The following WDR72 variants were observed in gnomAD, a reference collection of about 807,000 sequenced individuals.
The protein encoded by WDR72 is WD repeat-containing protein 72.
WDR72 carries 120 observed loss-of-function variants against 124.2 expected under a neutral mutation model. The ratio of observed to expected loss-of-function variants is 0.97; its 90% CI spans 0.83 to 1.12. The LOEUF (loss-of-function observed/expected upper bound fraction) is 1.12, where lower values mean the gene tolerates loss of function less well. Ranked by LOEUF, WDR72 falls within the 50% of genes most tolerant of loss-of-function variation. The pLI, the probability that WDR72 is intolerant of heterozygous loss-of-function variation, is 0.00. For missense variants in WDR72, 1,387 were observed against 1,278.8 expected (o/e 1.08, Z -1.29); for synonymous variants, 452 against 441.7 (o/e 1.02, Z -0.29).
At chr15:53,661,390 G>A (rs909609014) in intron 14 of WDR72, among the ~76,000 whole-genome samples, 1 of 152,212 alleles carries the variant, frequency 6.6e-6, no homozygotes, top group South Asian at 2.1e-4. Context: ...GACAGGAGAG[G>A]GAGGAGCTCT....
At chr15:53,751,061 G>T (rs1198888396) in intron 1 of WDR72, among the ~76,000 whole-genome samples, 1 of 152,104 alleles carries the variant, frequency 6.6e-6, no homozygotes, top group African/African-American at 2.4e-5. Context: ...TTTGGAAAAA[G>T]TTCTGCTGTG....
At chr15:53,693,707 G>C (rs1328594519) in intron 13 of WDR72, among the ~76,000 whole-genome samples, 1 of 152,156 alleles carries the variant, frequency 6.6e-6, no homozygotes, top group Non-Finnish European at 1.5e-5. Flanking sequence ...TGGAAGTTTT[G>C]ACTTCTTACT....
intron 14 of WDR72, among the ~76,000 whole-genome samples, chr15:53,626,840 C>T (rs114788244): frequency 6.6e-6 from 1 of 152,176 alleles, no homozygotes; most frequent in Non-Finnish European, 1.5e-5. Context: ...CTAGGAAATC[C>T]AGCTAGTCCC....
intron 13 of WDR72, among the ~76,000 whole-genome samples, chr15:53,680,251 C>T (rs1413149085): frequency 6.6e-6 from 1 of 152,194 alleles, no homozygotes; most frequent in East Asian, 1.9e-4. Flanking sequence ...TATGCTTAGT[C>T]ATGCAATTCC....
intron 3 of WDR72, among the ~76,000 whole-genome samples, chr15:53,721,995 G>T (rs1259184407): frequency 6.6e-6 from 1 of 151,356 alleles, no homozygotes; most frequent in African/African-American, 2.4e-5. Context: ...TGATAATTGA[G>T]TCCTCTCCTC....
chr15:53,686,970 A>C (rs1443357153), intron 13 of WDR72, among the ~76,000 whole-genome samples: 2 of 151,566 alleles, frequency 1.3e-5, no homozygotes, highest in African/African-American at 2.4e-5. Context: ...TACTGGGTAC[A>C]TAACGAAATG....
chr15:53,575,006 AACACACACACACAC>A (rs3081214), intron 18 of WDR72, among the ~76,000 whole-genome samples: 4 of 147,194 alleles, frequency 2.7e-5, no homozygotes, highest in Non-Finnish European at 4.5e-5. Context: ...AATCAAACAC[AACACACACACACAC>A]ACACACACAC....
At chr15:53,688,856 C>T (rs1431781615) in intron 13 of WDR72, among the ~76,000 whole-genome samples, 1 of 151,830 alleles carries the variant, frequency 6.6e-6, no homozygotes, top group Admixed American at 6.6e-5. Context: ...GGTACTGGTA[C>T]CAAAACAGAG....
At chr15:53,528,905 G>T (rs558860945) in intron 18 of WDR72, among the ~76,000 whole-genome samples, 8 of 151,908 alleles carry the variant, frequency 5.3e-5, no homozygotes, top group Non-Finnish European at 8.8e-5. Flanking sequence ...AGGCTGATAA[G>T]CAAGCAGATA....
chr15:53,651,864 G>C lies in WDR72; in HGVS notation c.1962+13708C>G, dbSNP rs1051702758. 3.9e-5 allele frequency: 6 copies of C among 152,302 alleles called. No individual in the cohort carries two copies. In the East Asian group the frequency reaches 9.6e-4, roughly 24 times the overall value. The allele number at this position is 152,302 out of a possible 1,614,324, so 9.4% of individuals were successfully genotyped here. A position where few individuals can be genotyped will look rare whatever the true frequency, so the allele number is the denominator to read the frequency against. ...GATGGTGTTTCACCATGTTGGTCAG[G>C]CTGGTCTCAAACTCCAGACCTCAGG... On this transcript the variant is annotated intron_variant, in intron 14 of 19. Transcript: ENST00000360509.
At chr15:53,688,382 A>G (rs2016718145) in intron 13 of WDR72, among the ~76,000 whole-genome samples, 2 of 148,254 alleles carry the variant, frequency 1.3e-5, no homozygotes, top group African/African-American at 5.0e-5. Context: ...ATACAAAATC[A>G]ATGTACAAAA....
At chr15:53,575,294 AG>A (rs1894712483) in intron 18 of WDR72, among the ~76,000 whole-genome samples, 1 of 152,164 alleles carries the variant, frequency 6.6e-6, no homozygotes, top group South Asian at 2.1e-4. Context: ...ATTCATGGCT[AG>A]TTTTTACATT....
rs1415335226 is a variant in WDR72 at position 53,705,956 on chromosome 15, G to A, written c.1073C>T (p.Pro358Leu). Reference protein sequence around the residue: ...RITLWHIPDVPVSKFDGSPRE... With the variant: ...RITLWHIPDVLVSKFDGSPRE... ...AGGAGAACCATCAAACTTGGATACA[G>A]GAACATCAGGGATGTGCCACAAAGT... Residue 358 changes from proline (P) to leucine (L), a missense_variant, in exon 10 of 20, where the codon CCT (proline) becomes CTT (leucine). Coordinates refer to ENST00000360509, the MANE Select transcript of WDR72 (RefSeq NM_182758.4). The A allele has an allele frequency of 2.5e-6, 4 of 1,613,946 alleles. No individual in the cohort carries two copies. Among genetic ancestry groups the A allele is most frequent in the Non-Finnish European group, 3.4e-6 (4 of 1,180,014 alleles).
intron 13 of WDR72, among the ~76,000 whole-genome samples, chr15:53,668,986 A>AAGGAGG (rs1312531379): frequency 1.1e-5 from 1 of 92,784 alleles, no homozygotes; most frequent in Non-Finnish European, 2.1e-5. Flanking sequence ...GGAGAAGGAG[A>AAGGAGG]AGGAGGAGGA....
intron 13 of WDR72, among the ~76,000 whole-genome samples, chr15:53,680,662 TA>T (rs2016349616): frequency 6.6e-6 from 1 of 152,250 alleles, no homozygotes; most frequent in Admixed American, 6.5e-5. Context: ...CTAAATTTTT[TA>T]TTAGCAGAAA....
At chr15:53,756,439 T>C (rs914990168) in intron 1 of WDR72, among the ~76,000 whole-genome samples, 2 of 152,128 alleles carry the variant, frequency 1.3e-5, no homozygotes, top group East Asian at 1.9e-4. Flanking sequence ...GACTAATACA[T>C]GGGCCCTCAC....
intron 13 of WDR72, among the ~76,000 whole-genome samples, chr15:53,690,287 T>C (rs1226724195): frequency 6.6e-6 from 1 of 152,246 alleles, no homozygotes; most frequent in African/African-American, 2.4e-5. Flanking sequence ...TAAATTGATG[T>C]AACATTGACA....
At chr15:53,714,654 A>G (rs1436324992) in intron 5 of WDR72, 144 bp from the exon 6 acceptor site, 10 of 673,092 alleles carry the variant, frequency 1.5e-5, no homozygotes, top group African/African-American at 3.7e-5. Flanking sequence ...ACTAGAAAAA[A>G]TAAACATTTT....
chr15:53,628,528 G>T (rs1009570003), intron 14 of WDR72, among the ~76,000 whole-genome samples: 3 of 152,074 alleles, frequency 2.0e-5, no homozygotes, highest in Non-Finnish European at 4.4e-5. Flanking sequence ...AATTTTCTGA[G>T]AAACAAGTCT....
Sources: allele counts gnomAD v4.1 joint callset (sites outside exome capture counted in the v4.1 genomes callset), GRCh38; gene constraint gnomAD v4.1.1; transcripts MANE v1.5; gene names NCBI Gene and HGNC (gene_info 2026-07-23, HGNC 2026-07-21).